The following MBNL2 variants were observed in gnomAD, a reference collection of about 807,000 sequenced individuals.
The protein encoded by MBNL2 is muscleblind like splicing regulator 2.
Under a neutral mutation model 41.9 loss-of-function variants are expected in MBNL2, and 17 were observed. The ratio of observed to expected loss-of-function variants is 0.41; its 90% CI spans 0.28 to 0.61. The LOEUF is 0.61. Ranked by LOEUF, MBNL2 falls within the 20% of genes least tolerant of loss-of-function variation. The pLI is 0.35. For missense variants in MBNL2, 336 were observed against 505.6 expected (o/e 0.66, Z 3.22); for synonymous variants, 195 against 182.9 (o/e 1.07, Z -0.53).
chr13:97,349,729 C>G (rs530972459), intron 5 of MBNL2, among the ~76,000 whole-genome samples: 1 of 152,182 alleles, frequency 6.6e-6, no homozygotes, highest in African/African-American at 2.4e-5. Context: ...CTCAGGAACG[C>G]CTGGGTTCAG....
At chr13:97,148,761 G>C in the MBNL2 span, among the ~76,000 whole-genome samples, 1 of 152,198 alleles carries the variant, frequency 6.6e-6, no homozygotes, top group African/African-American at 2.4e-5. Flanking sequence ...TATTTTCAGA[G>C]TTAGTGAATG....
At chr13:97,303,660 G>T (rs1246513283) in intron 2 of MBNL2, among the ~76,000 whole-genome samples, 1 of 152,216 alleles carries the variant, frequency 6.6e-6, no homozygotes, top group South Asian at 2.1e-4. Flanking sequence ...TTCCTGCTCC[G>T]GTGGCAGAAT....
chr13:97,170,689 C>A, the MBNL2 span, among the ~76,000 whole-genome samples: 1 of 151,962 alleles, frequency 6.6e-6, no homozygotes, highest in African/African-American at 2.4e-5. Context: ...GGGTATCAGA[C>A]ATGCAAAAAA....
In MBNL2 at chr13:97,254,989, C is replaced by G. The variant is rs138622898; in HGVS notation, c.-604-20643C>G. Among the ~76,000 whole-genome samples the G allele has an allele frequency of 4.6e-3, 703 of 152,310 alleles. 8 individuals are homozygous for G. Among genetic ancestry groups the G allele is most frequent in the African/African-American group, 0.016 (660 of 41,566 alleles). On this transcript the variant is annotated intron_variant, in intron 1 of 8. Transcript: ENST00000679496. ...GGAGAAGTATTATTTTCTTCTCCAA[C>G]AAGGGTGAGTGATTCAGATGAAATC...
intron 2 of MBNL2, among the ~76,000 whole-genome samples, chr13:97,329,053 T>C (rs1216383743): frequency 1.3e-5 from 2 of 152,216 alleles, no homozygotes; most frequent in Non-Finnish European, 2.9e-5. Flanking sequence ...AATCTGTTGT[T>C]CTGTCAAGTA....
At chr13:97,277,095 A>G (rs1033831675) in intron 2 of MBNL2, among the ~76,000 whole-genome samples, 9 of 152,342 alleles carry the variant, frequency 5.9e-5, no homozygotes, top group African/African-American at 2.2e-4. Context: ...TATGGAGTCC[A>G]TAGAAGAAAG....
the MBNL2 span, among the ~76,000 whole-genome samples, chr13:97,212,250 A>C: frequency 2.6e-5 from 4 of 152,110 alleles, no homozygotes; most frequent in Admixed American, 6.5e-5. Context: ...TGGGGTTTGA[A>C]TATTCTGCTT....
At chr13:97,339,385 CA>C (rs1298365668) in intron 3 of MBNL2, among the ~76,000 whole-genome samples, 1 of 151,988 alleles carries the variant, frequency 6.6e-6, no homozygotes, top group Non-Finnish European at 1.5e-5. Context: ...GAGTAGAGAA[CA>C]GGGGCAGGAA....
the MBNL2 span, among the ~76,000 whole-genome samples, chr13:97,187,266 G>A: frequency 6.6e-6 from 1 of 152,086 alleles, no homozygotes; most frequent in Non-Finnish European, 1.5e-5. Flanking sequence ...CCAAAAAGAA[G>A]AGATAAGTAC....
the MBNL2 span, among the ~76,000 whole-genome samples, chr13:97,189,163 G>A: frequency 6.6e-6 from 1 of 151,896 alleles, no homozygotes; most frequent in African/African-American, 2.4e-5. Flanking sequence ...CAAAATTCTG[G>A]GATTATAGGC....
chr13:97,242,052 G>A (rs1347887289), intron 1 of MBNL2, among the ~76,000 whole-genome samples: 1 of 152,120 alleles, frequency 6.6e-6, no homozygotes, highest in Non-Finnish European at 1.5e-5. Flanking sequence ...ACAAGGAAAG[G>A]CTAGGCCCAT....
chr13:97,185,776 G>T, the MBNL2 span, among the ~76,000 whole-genome samples: 3 of 152,324 alleles, frequency 2.0e-5, no homozygotes, highest in East Asian at 5.8e-4. Flanking sequence ...CTGTAAATGT[G>T]TGTGTCTTAA....
chr13:97,219,920 C>T (rs1184180082), upstream of MBNL2, among the ~76,000 whole-genome samples: 2 of 152,146 alleles, frequency 1.3e-5, no homozygotes, highest in East Asian at 1.9e-4. Context: ...ATAGCTTGGA[C>T]AAAGCCACTG....
At chr13:97,273,730 C>A (rs555202019) in intron 1 of MBNL2, among the ~76,000 whole-genome samples, 1 of 152,232 alleles carries the variant, frequency 6.6e-6, no homozygotes, top group African/African-American at 2.4e-5. Context: ...GAGGCTTCTC[C>A]CTTATAAGGG....
At position 97,346,583 on chromosome 13, in the gene MBNL2, A is replaced by G. The variant is rs2061893813; in HGVS notation, c.541-221A>G. 6.6e-6 allele frequency among the ~76,000 whole-genome samples: 1 copy of G among 152,180 alleles called. No homozygotes were observed. Reference sequence around the variant, plus strand: ...CTGCAGATTTCGTATTATTTTCTCAATATAGATTTTCACCCTAGAAAAGGC... The same window carrying G: ...CTGCAGATTTCGTATTATTTTCTCAGTATAGATTTTCACCCTAGAAAAGGC... On this transcript the variant is annotated intron_variant, in intron 4 of 8. Transcript: ENST00000679496. This position sits in a 1 kb window ranked among gnomAD's most constrained non-coding sequence, Gnocchi z 4.2.
chr13:97,340,443 A>T (rs1465866209), intron 3 of MBNL2, among the ~76,000 whole-genome samples: 3 of 152,140 alleles, frequency 2.0e-5, no homozygotes, highest in Non-Finnish European at 4.4e-5. Flanking sequence ...TGCTCATTAC[A>T]TCCCTGTTGC....
At chr13:97,149,946 T>G in the MBNL2 span, among the ~76,000 whole-genome samples, 14 of 152,326 alleles carry the variant, frequency 9.2e-5, no homozygotes, top group Non-Finnish European at 1.3e-4. Flanking sequence ...AACACCCCCC[T>G]ATATCACACA....
intron 2 of MBNL2, among the ~76,000 whole-genome samples, chr13:97,327,197 C>G (rs2059972304): frequency 6.6e-6 from 1 of 152,132 alleles, no homozygotes; most frequent in Admixed American, 6.5e-5. Flanking sequence ...ACTGTGGGTA[C>G]TTAATAAATC....
At chr13:97,282,877 G>A (rs1490733814) in intron 2 of MBNL2, among the ~76,000 whole-genome samples, 1 of 152,190 alleles carries the variant, frequency 6.6e-6, no homozygotes, top group Non-Finnish European at 1.5e-5. Context: ...CCAGCACCTA[G>A]CGTGGCATCT....
Sources: gnomAD v4.1 joint callset for allele counts (sites outside exome capture counted in the v4.1 genomes callset) on GRCh38, gnomAD v4.1.1 for gene constraint, Gnocchi (gnomAD v3.1) non-coding constraint, MANE v1.5 for transcripts, NCBI Gene and HGNC (gene_info 2026-07-23, HGNC 2026-07-21) for gene names.